Variants in VGLL3 observed in about 807,000 individuals in gnomAD.
VGLL3 encodes vestigial like family member 3.
VGLL3 carries 18 observed loss-of-function variants against 29.2 expected under a neutral mutation model. The ratio of observed to expected loss-of-function variants is 0.62; its 90% confidence interval spans 0.43 to 0.91. The LOEUF is 0.91. Ranked by LOEUF, VGLL3 falls within the 40% of genes least tolerant of loss-of-function variation. The pLI, the probability that VGLL3 is intolerant of heterozygous loss-of-function variation, is 0.00. For synonymous variants in VGLL3, 180 were observed against 151.8 expected (o/e 1.19, Z -1.36); for missense variants, 440 against 413.2 (o/e 1.06, Z -0.56).
intron 2 of VGLL3, among the ~76,000 whole-genome samples, chr3:86,972,294 A>T (rs1705117926): frequency 6.6e-6 from 1 of 152,214 alleles, no homozygotes; most frequent in Non-Finnish European, 1.5e-5. Context: ...TGCTCCAGGG[A>T]AAAATAAAAT....
At chr3:86,953,522 T>C (rs573765910) in intron 3 of VGLL3, among the ~76,000 whole-genome samples, 3 of 152,332 alleles carry the variant, frequency 2.0e-5, no homozygotes, top group African/African-American at 7.2e-5. Context: ...AATCCAAGCA[T>C]ATGAACATTT....
chr3:86,956,028 CAAG>C (rs887633608), intron 3 of VGLL3, among the ~76,000 whole-genome samples: 3 of 152,092 alleles, frequency 2.0e-5, no homozygotes, highest in African/African-American at 7.2e-5. Flanking sequence ...ATAAAGAGAA[CAAG>C]AAAAGAATAG....
intron 3 of VGLL3, among the ~76,000 whole-genome samples, chr3:86,951,347 C>T (rs113411037): frequency 6.2e-4 from 94 of 152,274 alleles, no homozygotes; most frequent in African/African-American, 2.2e-3. Flanking sequence ...TTCTGGTTCA[C>T]AGAGAGTGCC....
intron 3 of VGLL3, among the ~76,000 whole-genome samples, chr3:86,951,032 A>G (rs991274310): frequency 6.6e-6 from 1 of 152,182 alleles, no homozygotes; most frequent in Non-Finnish European, 1.5e-5. Context: ...GACCACCAAA[A>G]GAAAAGGAAA....
intron 3 of VGLL3, among the ~76,000 whole-genome samples, chr3:86,959,592 T>C (rs1704796766): frequency 1.3e-5 from 2 of 152,194 alleles, no homozygotes; most frequent in Admixed American, 1.3e-4. Context: ...TTCATCTCCA[T>C]TTCATTGTAA....
chr3:86,968,847 A>G lies in VGLL3; in HGVS notation c.680T>C (p.Met227Thr). The change falls in exon 3 of 4, where the codon ATG becomes ACG. Residue 227 changes from methionine (M) to threonine (T), a missense_variant. Met to Thr is a moderately conservative substitution (Grantham distance 81). Coordinates refer to ENST00000398399, the MANE Select transcript of VGLL3 (RefSeq NM_016206.4). The part of the protein sequence containing the change: ...PSYSHMHDVY[M>T]RHHHPHAHMH... Reference sequence around the variant, plus strand: ...GTGGGCATGAGGGTGGTGGTGCCGCATGTACACGTCATGCATATGGCTGTA... The same window carrying G: ...GTGGGCATGAGGGTGGTGGTGCCGCGTGTACACGTCATGCATATGGCTGTA... The G allele has an allele frequency of 6.2e-7, 1 of 1,614,150 alleles. No homozygotes were observed. The highest frequency in any genetic ancestry group is 8.5e-7 in the Non-Finnish European group (1 of 1,180,028).
At chr3:86,984,539 C>G (rs115722033) in intron 1 of VGLL3, among the ~76,000 whole-genome samples, 7 of 152,264 alleles carry the variant, frequency 4.6e-5, no homozygotes, top group African/African-American at 1.4e-4. Context: ...ATGATCATAT[C>G]ATGAGGGTAT....
chr3:86,983,726 T>C (rs1241033461), intron 1 of VGLL3, among the ~76,000 whole-genome samples: 2 of 152,180 alleles, frequency 1.3e-5, no homozygotes, highest in Non-Finnish European at 1.5e-5. Flanking sequence ...ATTTTGGTTC[T>C]TAGTCTATTT....
intron 3 of VGLL3, among the ~76,000 whole-genome samples, chr3:86,965,587 C>G (rs532518359): frequency 4.6e-5 from 7 of 152,176 alleles, no homozygotes; most frequent in Non-Finnish European, 1.0e-4. Context: ...GCAACCAGAT[C>G]CCTCTCCCTT....
In VGLL3 at chr3:86,990,879, C is replaced by G; in HGVS notation, c.-136G>C. ...TGCTACTGCGGCGAAGGCGGGTCCT[C>G]GGCGGCCTCGGGCTCCGCGCGGGGC... On this transcript the variant is annotated 5_prime_UTR_variant, in exon 1 of 4. Coordinates refer to ENST00000398399, the MANE Select transcript of VGLL3 (RefSeq NM_016206.4). 1 of 1,140,526 alleles carries G rather than the reference C, an allele frequency of 8.8e-7. No individual in the cohort carries two copies. The highest frequency in any genetic ancestry group is 4.9e-5 in the East Asian group (1 of 20,216). The allele number at this position is 1,140,526 out of a possible 1,614,324, so 70.7% of individuals were successfully genotyped here.
Position 86,990,650 on chromosome 3 carries a change from A to G in VGLL3, c.94T>C (p.Tyr32His), listed in dbSNP as rs764015855. Residue 32 changes from tyrosine to histidine, a missense_variant, in exon 1 of 4, where the codon TAC becomes CAC. Tyr to His is a moderately conservative substitution (Grantham distance 83). Coordinates refer to ENST00000398399, the MANE Select transcript of VGLL3 (RefSeq NM_016206.4). The part of the protein sequence containing the change: ...PMAATTCPTA[Y>H]YQPAPQPGQQ... ...CCAGGTTGGGGCGCCGGCTGATAGT[A>G]GGCTGTGGGGCAGGTTGTCGCTGCC... 1.1e-5 allele frequency: 15 copies of G among 1,391,028 alleles called. No homozygotes were observed. The South Asian group carries it at 3.0e-4, about 28-fold the overall frequency. The allele number at this position is 1,391,028 out of a possible 1,614,324, so 86.2% of individuals were successfully genotyped here.
chr3:86,952,353 T>C (rs1379445865), intron 3 of VGLL3, among the ~76,000 whole-genome samples: 1 of 152,212 alleles, frequency 6.6e-6, no homozygotes, highest in Non-Finnish European at 1.5e-5. Flanking sequence ...GTCAGAGTCA[T>C]AACCCACTAA....
chr3:86,963,201 A>C lies in VGLL3; in HGVS notation c.937+5389T>G, dbSNP rs1345892043. 2.6e-5 allele frequency: 4 copies of C among 154,990 alleles called. No homozygotes were observed. In the Admixed American group the frequency reaches 2.6e-4, roughly 10 times the overall value. 9.6% of individuals were successfully genotyped at this position (154,990 alleles called of 1,614,324 possible). On this transcript the variant is annotated intron_variant, in intron 3 of 3. Coordinates refer to ENST00000398399, the MANE Select transcript of VGLL3 (RefSeq NM_016206.4). ...AATGTCCATATTCATTTGCTTATGC[A>C]TCAAATGCATAAACAAAATGTGGTA...
At chr3:86,963,471 T>G (rs1704899097) in intron 3 of VGLL3, among the ~76,000 whole-genome samples, 1 of 152,044 alleles carries the variant, frequency 6.6e-6, no homozygotes. Context: ...GGAATAGGAG[T>G]TCTTGTTACA....
chr3:86,947,912 C>T (rs543891547), intron 3 of VGLL3, among the ~76,000 whole-genome samples: 3 of 151,742 alleles, frequency 2.0e-5, no homozygotes, highest in Admixed American at 1.3e-4. Context: ...ATTCACATAG[C>T]ACCTTCAATT....
chr3:86,947,537 C>T (rs544677847), intron 3 of VGLL3, among the ~76,000 whole-genome samples: 1 of 152,220 alleles, frequency 6.6e-6, no homozygotes, highest in East Asian at 1.9e-4. Flanking sequence ...ATGTACTCCA[C>T]AATGGGATTA....
At chr3:86,983,738 GAGA>G (rs1705377750) in intron 1 of VGLL3, among the ~76,000 whole-genome samples, 1 of 152,136 alleles carries the variant, frequency 6.6e-6, no homozygotes, top group African/African-American at 2.4e-5. Context: ...AGTCTATTTG[GAGA>G]AGGATAGGTC....
intron 1 of VGLL3, among the ~76,000 whole-genome samples, chr3:86,985,725 T>C (rs927399062): frequency 3.3e-5 from 5 of 152,194 alleles, no homozygotes; most frequent in Admixed American, 2.0e-4. Context: ...GCTTTCACTG[T>C]CCCTGACAGA....
At chr3:86,949,953 A>G (rs1319778404) in intron 3 of VGLL3, among the ~76,000 whole-genome samples, 4 of 152,288 alleles carry the variant, frequency 2.6e-5, no homozygotes, top group Middle Eastern at 3.4e-3. Context: ...AGTTTTTCCC[A>G]GTGAGGGTGG....
Sources: gnomAD v4.1 joint callset for allele counts (sites outside exome capture counted in the v4.1 genomes callset) on GRCh38, gnomAD v4.1.1 for gene constraint, MANE v1.5 for transcripts, NCBI Gene and HGNC (gene_info 2026-07-23, HGNC 2026-07-21) for gene names.